The following ABCA13 variants were observed in gnomAD, a reference collection of about 807,000 sequenced individuals.
The protein encoded by ABCA13 is ATP-binding cassette sub-family A member 13.
A neutral mutation model predicts 478.7 loss-of-function variants in ABCA13; 476 were observed. The ratio of observed to expected loss-of-function variants is 0.99; its 90% CI spans 0.92 to 1.07. The LOEUF (loss-of-function observed/expected upper bound fraction) is 1.07, where lower values mean the gene tolerates loss of function less well. Among genes scored for constraint, ABCA13 ranks in the 50% least tolerant of loss-of-function variants. The pLI is 0.00. For missense variants in ABCA13, 6,060 were observed against 5,910.6 expected (o/e 1.03, Z -0.83); for synonymous variants, 2,252 against 2,158.9 (o/e 1.04, Z -1.20).
intron 54 of ABCA13, among the ~76,000 whole-genome samples, chr7:48,527,951 A>G (rs763730554): frequency 6.6e-6 from 1 of 152,184 alleles, no homozygotes; most frequent in Non-Finnish European, 1.5e-5. Flanking sequence ...TTTACTTCTC[A>G]TCCTCTTGAG....
intron 56 of ABCA13, among the ~76,000 whole-genome samples, chr7:48,585,128 A>G (rs922042004): frequency 6.6e-6 from 1 of 152,166 alleles, no homozygotes; most frequent in African/African-American, 2.4e-5. Flanking sequence ...CTGAAATGCC[A>G]GGCATTTATA....
chr7:48,418,219 A>G (rs930354007), intron 41 of ABCA13, among the ~76,000 whole-genome samples: 2 of 152,210 alleles, frequency 1.3e-5, no homozygotes, highest in Admixed American at 6.5e-5. Context: ...CAACTGCTGT[A>G]TCTTACAGTA....
chr7:48,407,799 C>T (rs376418125), intron 39 of ABCA13, among the ~76,000 whole-genome samples: 1 of 151,950 alleles, frequency 6.6e-6, no homozygotes, highest in South Asian at 2.1e-4. Context: ...CTCGGGTGAT[C>T]CACCACCTCG....
At chr7:48,374,088 G>A (rs755958758) in intron 33 of ABCA13, among the ~76,000 whole-genome samples, 1 of 152,102 alleles carries the variant, frequency 6.6e-6, no homozygotes, top group Non-Finnish European at 1.5e-5. Context: ...TTGGATTTAT[G>A]ACACTTCAAG....
At chr7:48,628,520 A>G (rs1334285904) in intron 59 of ABCA13, among the ~76,000 whole-genome samples, 2 of 152,136 alleles carry the variant, frequency 1.3e-5, no homozygotes, top group South Asian at 2.1e-4. Context: ...TGCTTTTTCT[A>G]CTCTGGCTGC....
At chr7:48,296,464 C>CT (rs557053131) in intron 21 of ABCA13, among the ~76,000 whole-genome samples, 18,644 of 143,450 alleles carry the variant, frequency 0.13, 1,254 homozygotes, top group South Asian at 0.18. Flanking sequence ...TTTCTTTTCT[C>CT]TTTTTTTTTT....
chr7:48,395,058 A>G (rs891638704), intron 38 of ABCA13, among the ~76,000 whole-genome samples: 1 of 152,224 alleles, frequency 6.6e-6, no homozygotes, highest in African/African-American at 2.4e-5. Context: ...TGTGCAGCTT[A>G]GAGCGTCCAC....
At chr7:48,298,783 G>C (rs1297486982) in intron 23 of ABCA13, among the ~76,000 whole-genome samples, 1 of 152,204 alleles carries the variant, frequency 6.6e-6, no homozygotes, top group Non-Finnish European at 1.5e-5. Context: ...CAGCCCTGAT[G>C]CATGACACCT....
At chr7:48,214,763 T>C (rs974462728) in intron 3 of ABCA13, among the ~76,000 whole-genome samples, 5 of 152,214 alleles carry the variant, frequency 3.3e-5, no homozygotes, top group Non-Finnish European at 7.3e-5. Flanking sequence ...AGGACCTTTC[T>C]CTGGATTAGA....
At chr7:48,437,839 A>C (rs1227049251) in intron 42 of ABCA13, among the ~76,000 whole-genome samples, 2 of 152,052 alleles carry the variant, frequency 1.3e-5, no homozygotes, top group Non-Finnish European at 2.9e-5. Flanking sequence ...CATGTAGCCT[A>C]TCTGAGCCTG....
chr7:48,441,588 C>T (rs541204116), intron 42 of ABCA13, among the ~76,000 whole-genome samples: 1 of 152,294 alleles, frequency 6.6e-6, no homozygotes, highest in African/African-American at 2.4e-5. Flanking sequence ...AGACCGATGC[C>T]TGCAACTGCA....
chr7:48,322,418 C>T lies in ABCA13; in HGVS notation c.9999+5122C>T, dbSNP rs17132230. 8.6e-3 allele frequency among the ~76,000 whole-genome samples: 1,312 copies of T among 152,316 alleles called. 24 individuals carry two copies. The highest frequency in any genetic ancestry group is 0.03 in the African/African-American group (1,245 of 41,576). On this transcript the variant is annotated intron_variant, in intron 27 of 61. Transcript: ENST00000435803. ...TCCTTGGGATCCAGTGTGCCAGAGA[C>T]GCATGTCCTCACCTGACCACTGTGT...
intron 55 of ABCA13, among the ~76,000 whole-genome samples, chr7:48,540,804 G>T (rs191256683): frequency 6.6e-6 from 1 of 152,198 alleles, no homozygotes; most frequent in East Asian, 1.9e-4. Flanking sequence ...TTGGCTCAGA[G>T]CATGTCATGT....
chr7:48,421,341 A>G (rs2129121793), intron 41 of ABCA13, among the ~76,000 whole-genome samples: 1 of 152,334 alleles, frequency 6.6e-6, no homozygotes, highest in Admixed American at 6.5e-5. Context: ...TTCTAATTCC[A>G]TCATTCCTTC....
At position 48,250,894 on chromosome 7, in the gene ABCA13, T is replaced by C. The variant is rs538185096; in HGVS notation, c.2005+1543T>C. On this transcript the variant is annotated intron_variant, in intron 15 of 61. Transcript: ENST00000435803. ...CACAGTGGGGTTATCAGCTTCTCCTTAGAAAGCCTGCATCTTGGACGTCAG... is the reference window on the plus strand; with the variant it reads ...CACAGTGGGGTTATCAGCTTCTCCTCAGAAAGCCTGCATCTTGGACGTCAG... Among the ~76,000 whole-genome samples the C allele has an allele frequency of 2.0e-5, 3 of 152,292 alleles. No individual in the cohort carries two copies. In the South Asian group the frequency reaches 6.2e-4, roughly 32 times the overall value.
chr7:48,254,978 C>T (rs2222649), intron 15 of ABCA13, among the ~76,000 whole-genome samples: 41,222 of 152,056 alleles, frequency 0.27, 6,321 homozygotes, highest in Non-Finnish European at 0.36. Context: ...CCTGTCTTCC[C>T]TATTCTGTAA....
chr7:48,288,076 C>T lies in ABCA13; in HGVS notation c.8953C>T (p.Gln2985Ter), dbSNP rs755443192. 5.0e-6 allele frequency: 8 copies of T among 1,612,946 alleles called. No homozygotes were observed. Among genetic ancestry groups the T allele is most frequent in the Middle Eastern group, 1.6e-4 (1 of 6,062 alleles). ...GGTCACTTTGGCGCAGGACCACTTC[C>T]AGGTTTGTCGTCTTTAATATTTCAG... The part of the protein sequence containing the change: ...QGVTLAQDHF[Q>*]EIEKIWSSPN... Residue 2985 changes from glutamine (Q) to a stop codon, truncating the protein, a stop_gained and splice_region_variant, in exon 20 of 62, where the codon CAG becomes TAG. Transcript: ENST00000435803. LOFTEE classifies it high-confidence loss of function.
chr7:48,554,686 C>T (rs1563430371), intron 55 of ABCA13, among the ~76,000 whole-genome samples: 2 of 151,558 alleles, frequency 1.3e-5, no homozygotes, highest in African/African-American at 4.8e-5. Flanking sequence ...TATCTTGAAA[C>T]TTTAATTTGT....
In ABCA13 at chr7:48,645,455, A is replaced by G. The variant is rs1485889597; in HGVS notation, c.15120A>G (p.Leu5040=). ...INFASEQQQT[L]QSTLDPSTDS... ...TTGCTTCTGAGCAGCAGCAAACTCT[A>G]CAATCTACTCTTGATCCATCCACTG... The change falls in exon 62 of 62, where the codon CTA becomes CTG. Residue 5040 remains leucine (L), a synonymous_variant. Coordinates refer to ENST00000435803, the MANE Select transcript of ABCA13 (RefSeq NM_152701.5). 1.3e-6 allele frequency: 2 copies of G among 1,586,896 alleles called. No individual in the cohort carries two copies. The highest frequency in any genetic ancestry group is 1.2e-5 in the South Asian group (1 of 86,506).
Sources: gnomAD v4.1 joint callset for allele counts (sites outside exome capture counted in the v4.1 genomes callset) on GRCh38, gnomAD v4.1.1 for gene constraint, MANE v1.5 for transcripts, NCBI Gene and HGNC (gene_info 2026-07-23, HGNC 2026-07-21) for gene names.